Variants in NELL1 observed in about 807,000 individuals in gnomAD.
The protein encoded by NELL1 is protein kinase C-binding protein NELL1.
In NELL1, 76 loss-of-function variants were observed where a neutral mutation model predicts 107.4. The ratio of observed to expected loss-of-function variants is 0.71; its 90% CI spans 0.59 to 0.86. The LOEUF is 0.86. Ranked by LOEUF, NELL1 falls within the 40% of genes least tolerant of loss-of-function variation. The pLI is 0.00. For synonymous variants in NELL1, 353 were observed against 341.2 expected (o/e 1.03, Z -0.38); for missense variants, 1,024 against 1,005.5 (o/e 1.02, Z -0.25).
intron 12 of NELL1, among the ~76,000 whole-genome samples, chr11:21,000,175 T>A (rs1332935706): frequency 6.6e-6 from 1 of 152,024 alleles, no homozygotes; most frequent in Non-Finnish European, 1.5e-5. Context: ...TGACCTTGAA[T>A]AAGAATCTTA....
intron 15 of NELL1, among the ~76,000 whole-genome samples, chr11:21,378,893 T>C (rs1018990070): frequency 5.9e-5 from 9 of 151,766 alleles, no homozygotes; most frequent in African/African-American, 2.2e-4. Context: ...AATTTTTGTA[T>C]TTTTAGTAGA....
At chr11:20,822,660 C>T (rs1306705243) in intron 3 of NELL1, among the ~76,000 whole-genome samples, 1 of 152,092 alleles carries the variant, frequency 6.6e-6, no homozygotes, top group Non-Finnish European at 1.5e-5. Context: ...TCTTACAGTC[C>T]TTCATGTGGA....
intron 4 of NELL1, among the ~76,000 whole-genome samples, chr11:20,866,287 C>T (rs1237505599): frequency 1.3e-5 from 2 of 152,104 alleles, no homozygotes; most frequent in Non-Finnish European, 2.9e-5. Flanking sequence ...GAGAACAGGA[C>T]CTAACAAAAT....
chr11:21,440,166 A>G (rs753554113), intron 15 of NELL1, among the ~76,000 whole-genome samples: 3 of 152,216 alleles, frequency 2.0e-5, no homozygotes, highest in Admixed American at 1.3e-4. Flanking sequence ...AAAGCTTCTT[A>G]TAGTAGATTT....
chr11:21,205,630 T>G (rs1273869225), intron 13 of NELL1, among the ~76,000 whole-genome samples: 1 of 152,164 alleles, frequency 6.6e-6, no homozygotes, highest in African/African-American at 2.4e-5. Flanking sequence ...AACAGTTCTG[T>G]CTTGCCGGTG....
At chr11:21,371,033 A>G (rs1214408502) in intron 15 of NELL1, 85 bp downstream of exon 15, 2 of 1,022,058 alleles carry the variant, frequency 2.0e-6, no homozygotes, top group African/African-American at 3.2e-5. Flanking sequence ...TTCTTTAGAA[A>G]TAATACTGTG....
At chr11:21,147,809 C>G (rs1856015560) in intron 13 of NELL1, among the ~76,000 whole-genome samples, 1 of 116,904 alleles carries the variant, frequency 8.6e-6, no homozygotes. Context: ...GCACCCCAGC[C>G]TGGGCAACAA....
intron 9 of NELL1, among the ~76,000 whole-genome samples, chr11:20,933,332 G>A (rs147305422): frequency 1.1e-3 from 175 of 152,320 alleles, no homozygotes; most frequent in African/African-American, 4.0e-3. Flanking sequence ...GGGACAGAGC[G>A]TCTGTAAGGG....
intron 13 of NELL1, among the ~76,000 whole-genome samples, chr11:21,170,678 T>C (rs1267507209): frequency 5.9e-5 from 8 of 135,590 alleles, no homozygotes; most frequent in Non-Finnish European, 1.2e-4. Context: ...GTATTATATA[T>C]ATACTGTAGT....
Position 20,855,547 on chromosome 11 carries a change from T to A in NELL1, c.506+7794T>A, listed in dbSNP as rs1413987580. Among the ~76,000 whole-genome samples, 5 of 152,230 alleles carry A rather than the reference T, an allele frequency of 3.3e-5. No homozygotes were observed. The East Asian group carries it at 9.6e-4, about 29-fold the overall frequency. Reference sequence around the variant, plus strand: ...TCAGTCACATCTCATGTTGTCATTGTATTACATGGACATGGGTCTATATAG... The same window carrying A: ...TCAGTCACATCTCATGTTGTCATTGAATTACATGGACATGGGTCTATATAG... On this transcript the variant is annotated intron_variant, in intron 4 of 19. Transcript: ENST00000357134.
chr11:21,060,200 C>T (rs1171547106), intron 12 of NELL1, among the ~76,000 whole-genome samples: 1 of 152,156 alleles, frequency 6.6e-6, no homozygotes, highest in Non-Finnish European at 1.5e-5. Flanking sequence ...ACTCCCACAG[C>T]CTGGTCTTGA....
At position 21,315,874 on chromosome 11, in the gene NELL1, T is replaced by C. The variant is rs1235165384; in HGVS notation, c.1550-54979T>C. ...TATTTGAATGTGTTGGTGGTGGTGG[T>C]GGTGGTGGTGGTGTGAGTGTGTGTG... On this transcript the variant is annotated intron_variant, in intron 14 of 19. Coordinates refer to ENST00000357134, the MANE Select transcript of NELL1 (RefSeq NM_006157.5). Among the ~76,000 whole-genome samples, 5 of 94,366 alleles carry C rather than the reference T, an allele frequency of 5.3e-5. No individual in the cohort carries two copies. In the East Asian group the frequency reaches 1.2e-3, roughly 23 times the overall value. The allele number at this position is 94,366 out of a possible 152,430, so 61.9% of individuals were successfully genotyped here. A position where few individuals can be genotyped will look rare whatever the true frequency, so the allele number is the denominator to read the frequency against.
chr11:21,197,668 C>T (rs1857184393), intron 13 of NELL1, among the ~76,000 whole-genome samples: 1 of 152,168 alleles, frequency 6.6e-6, no homozygotes, highest in South Asian at 2.1e-4. Flanking sequence ...TAAGTGATAA[C>T]TGAAGACTAC....
intron 4 of NELL1, among the ~76,000 whole-genome samples, chr11:20,883,478 C>T (rs1226300126): frequency 6.6e-6 from 1 of 152,178 alleles, no homozygotes; most frequent in Non-Finnish European, 1.5e-5. Flanking sequence ...GAATCGAAAG[C>T]TCGTCTAACT....
intron 2 of NELL1, among the ~76,000 whole-genome samples, chr11:20,730,718 T>G (rs1855619607): frequency 6.6e-6 from 1 of 152,164 alleles, no homozygotes; most frequent in South Asian, 2.1e-4. Context: ...CCAGCAAGGT[T>G]TGGGATCATT....
intron 17 of NELL1, among the ~76,000 whole-genome samples, chr11:21,562,314 G>A (rs111529951): frequency 1.3e-5 from 2 of 151,942 alleles, no homozygotes; most frequent in African/African-American, 4.8e-5. Flanking sequence ...TTTCCACAGG[G>A]GATGAGCAAT....
chr11:21,013,243 T>G (rs1272160097), intron 12 of NELL1, among the ~76,000 whole-genome samples: 1 of 152,150 alleles, frequency 6.6e-6, no homozygotes, highest in Admixed American at 6.6e-5. Context: ...GCCCTCTTTT[T>G]GACCTCATAA....
chr11:21,184,029 C>T (rs573794865), intron 13 of NELL1, among the ~76,000 whole-genome samples: 2 of 151,792 alleles, frequency 1.3e-5, no homozygotes, highest in African/African-American at 2.4e-5. Flanking sequence ...AAGGGCAATG[C>T]GATATAGAGG....
intron 16 of NELL1, among the ~76,000 whole-genome samples, chr11:21,556,809 AAC>A (rs1044541181): frequency 6.6e-6 from 1 of 152,018 alleles, no homozygotes; most frequent in African/African-American, 2.4e-5. Flanking sequence ...TATAAGAAGA[AAC>A]ACAGAGAGAT....
Sources: allele counts gnomAD v4.1 joint callset (sites outside exome capture counted in the v4.1 genomes callset), GRCh38; gene constraint gnomAD v4.1.1; transcripts MANE v1.5; gene names NCBI Gene and HGNC (gene_info 2026-07-23, HGNC 2026-07-21).